Variants in EYS observed in about 807,000 individuals in gnomAD.
EYS encodes protein eyes shut homolog.
A neutral mutation model predicts 282.1 loss-of-function variants in EYS; 250 were observed. The ratio of observed to expected loss-of-function variants is 0.89; its 90% CI spans 0.80 to 0.98. The LOEUF (loss-of-function observed/expected upper bound fraction) is 0.98, where lower values mean the gene tolerates loss of function less well. EYS is among the 50% of genes least tolerant of loss of function. The pLI, the probability that EYS is intolerant of heterozygous loss-of-function variation, is 0.00. For missense variants in EYS, 4,016 were observed against 3,709.0 expected (o/e 1.08, Z -2.15); for synonymous variants, 1,355 against 1,282.9 (o/e 1.06, Z -1.20).
chr6:64,891,008 C>G (rs1414537155), intron 18 of EYS, among the ~76,000 whole-genome samples: 1 of 151,930 alleles, frequency 6.6e-6, no homozygotes, highest in Non-Finnish European at 1.5e-5. Context: ...ACATAAATTC[C>G]AAACATTATT....
At chr6:65,569,295 C>G (rs972022150) in intron 2 of EYS, among the ~76,000 whole-genome samples, 1 of 151,996 alleles carries the variant, frequency 6.6e-6, no homozygotes, top group African/African-American at 2.4e-5. Context: ...AACGGCCCCA[C>G]CCTTATTTCC....
chr6:64,937,998 C>G (rs1252365363), intron 15 of EYS, among the ~76,000 whole-genome samples: 1 of 151,498 alleles, frequency 6.6e-6, no homozygotes, highest in African/African-American at 2.4e-5. Context: ...AAATATTATG[C>G]TAAGTCAAAC....
chr6:64,654,562 G>C (rs1768679715), intron 22 of EYS, among the ~76,000 whole-genome samples: 1 of 152,174 alleles, frequency 6.6e-6, no homozygotes, highest in South Asian at 2.1e-4. Flanking sequence ...AAGTTGCAGA[G>C]GGAGCTGGGG....
intron 35 of EYS, among the ~76,000 whole-genome samples, chr6:63,897,250 A>G (rs1180840662): frequency 6.6e-6 from 1 of 152,240 alleles, no homozygotes; most frequent in Non-Finnish European, 1.5e-5. Flanking sequence ...GGCATGTAGT[A>G]GGCTGAACAA....
chr6:65,416,458 T>C (rs927928058), intron 5 of EYS, among the ~76,000 whole-genome samples: 2 of 151,866 alleles, frequency 1.3e-5, no homozygotes, highest in African/African-American at 4.8e-5. Flanking sequence ...CCCAAATAAT[T>C]TGAAGTAAAA....
intron 2 of EYS, among the ~76,000 whole-genome samples, chr6:65,571,677 AAAC>A (rs1189823360): frequency 1.4e-4 from 22 of 152,144 alleles, no homozygotes; most frequent in African/African-American, 5.3e-4. Context: ...TTGCATTTCT[AAAC>A]AACAATAGTT....
intron 12 of EYS, among the ~76,000 whole-genome samples, chr6:65,222,425 G>T (rs1224832939): frequency 6.6e-5 from 10 of 152,096 alleles, no homozygotes; most frequent in Admixed American, 6.5e-4. Context: ...ATGCTCTCTT[G>T]CCTGCCATCA....
chr6:65,251,870 A>AC (rs34447006), intron 12 of EYS, among the ~76,000 whole-genome samples: 1,641 of 152,038 alleles, frequency 0.011, 25 homozygotes, highest in African/African-American at 0.038. Flanking sequence ...TCCCTGTGCC[A>AC]CATCCCTTTT....
intron 22 of EYS, among the ~76,000 whole-genome samples, chr6:64,668,239 G>A (rs1769302529): frequency 1.3e-5 from 2 of 152,072 alleles, no homozygotes; most frequent in Admixed American, 6.5e-5. Context: ...CAGAACAAAA[G>A]TGTTTAATGA....
At chr6:63,954,879 T>A (rs1478555361) in intron 35 of EYS, among the ~76,000 whole-genome samples, 2 of 152,176 alleles carry the variant, frequency 1.3e-5, no homozygotes, top group Non-Finnish European at 2.9e-5. Context: ...TTAGAACCTC[T>A]CATTTCCTTT....
intron 40 of EYS, among the ~76,000 whole-genome samples, chr6:63,770,837 C>T (rs1330913940): frequency 6.6e-6 from 1 of 152,118 alleles, no homozygotes; most frequent in Non-Finnish European, 1.5e-5. Context: ...TCATCGTACA[C>T]TGGAATGTGA....
At chr6:64,602,155 T>G (rs1313828961) in intron 24 of EYS, among the ~76,000 whole-genome samples, 2 of 152,206 alleles carry the variant, frequency 1.3e-5, no homozygotes, top group South Asian at 2.1e-4. Flanking sequence ...CCTGGTACAT[T>G]GTAAATGTCA....
intron 26 of EYS, among the ~76,000 whole-genome samples, chr6:64,547,880 C>A (rs36063388): frequency 6.6e-6 from 1 of 152,216 alleles, no homozygotes; most frequent in African/African-American, 2.4e-5. Context: ...AAGGAGGCAG[C>A]TAAGGCCCGG....
chr6:65,374,432 A>G (rs1007058133), intron 8 of EYS, among the ~76,000 whole-genome samples: 2 of 151,516 alleles, frequency 1.3e-5, no homozygotes, highest in African/African-American at 4.8e-5. Context: ...GTGTGTCTAC[A>G]TTCCCCGGGC....
chr6:64,108,739 G>A (rs116311164), intron 31 of EYS, among the ~76,000 whole-genome samples: 6,388 of 151,810 alleles, frequency 0.042, 395 homozygotes, highest in African/African-American at 0.14. Context: ...CTTTCCACCC[G>A]ATCTCTCCTC....
intron 2 of EYS, among the ~76,000 whole-genome samples, chr6:65,576,958 T>C (rs540855650): frequency 6.6e-6 from 1 of 151,960 alleles, no homozygotes; most frequent in East Asian, 1.9e-4. Flanking sequence ...CTTCATGGAT[T>C]AGAATAATTA....
intron 31 of EYS, among the ~76,000 whole-genome samples, chr6:64,165,965 T>C (rs1764277644): frequency 6.6e-6 from 1 of 152,214 alleles, no homozygotes; most frequent in East Asian, 1.9e-4. Flanking sequence ...AGATCTTTCC[T>C]CCTCCATTCC....
chr6:64,703,429 A>AAATTTTTTTTT (rs1738054930), intron 22 of EYS, among the ~76,000 whole-genome samples: 1 of 23,366 alleles, frequency 4.3e-5, no homozygotes, highest in Non-Finnish European at 1.1e-4. Context: ...ATATATATAT[A>AAATTTTTTTTT]TTTTTTTTTT....
At chr6:64,948,971 A>C (rs1769390977) in intron 14 of EYS, among the ~76,000 whole-genome samples, 1 of 151,966 alleles carries the variant, frequency 6.6e-6, no homozygotes, top group Admixed American at 6.6e-5. Context: ...TGCATAAACT[A>C]TATAGTAGTT....
Sources: allele counts gnomAD v4.1 joint callset (sites outside exome capture counted in the v4.1 genomes callset), GRCh38; gene constraint gnomAD v4.1.1; transcripts MANE v1.5; gene names NCBI Gene and HGNC (gene_info 2026-07-23, HGNC 2026-07-21).